NRXN3: variants seen among roughly 807,000 people sequenced by gnomAD.
NRXN3 encodes neurexin 3.
A neutral mutation model predicts 137.6 loss-of-function variants in NRXN3; 32 were observed. That is an observed-to-expected ratio of 0.23 (90% CI 0.18 to 0.31). The LOEUF is 0.31. Ranked by LOEUF, NRXN3 falls within the 10% of genes least tolerant of loss-of-function variation. NRXN3 has a pLI of 1.00. For missense variants in NRXN3, 1,574 were observed against 2,062.5 expected, an observed-to-expected ratio of 0.76 and a Z score of 4.59; for synonymous variants, 798 against 784.5, an observed-to-expected ratio of 1.02 and a Z score of -0.29.
At chr14:78,978,433 C>T (rs2099477141) in intron 14 of NRXN3, among the ~76,000 whole-genome samples, 1 of 152,068 alleles carries the variant, frequency 6.6e-6, no homozygotes, top group Admixed American at 6.6e-5. Context: ...TCATTGCTTT[C>T]TTATTTTAAA....
chr14:78,615,772 C>A (rs1601408190), intron 4 of NRXN3, among the ~76,000 whole-genome samples: 1 of 151,822 alleles, frequency 6.6e-6, no homozygotes, highest in East Asian at 1.9e-4. Context: ...CAGTCTCTAC[C>A]CCCAAAAAAA....
chr14:78,361,063 G>T (rs1314940063), intron 4 of NRXN3, among the ~76,000 whole-genome samples: 1 of 152,190 alleles, frequency 6.6e-6, no homozygotes, highest in African/African-American at 2.4e-5. Context: ...GCCTGGTAGT[G>T]TTGGGTTAAT....
intron 10 of NRXN3, among the ~76,000 whole-genome samples, chr14:78,937,103 T>A (rs2099342860): frequency 6.9e-6 from 1 of 144,642 alleles, no homozygotes; most frequent in Admixed American, 7.2e-5. Context: ...GCACCCGTAA[T>A]CCCAGCTACT....
intron 15 of NRXN3, among the ~76,000 whole-genome samples, chr14:79,151,879 TA>T (rs924362859): frequency 2.0e-5 from 3 of 152,116 alleles, no homozygotes; most frequent in Non-Finnish European, 4.4e-5. Flanking sequence ...CAATATACTT[TA>T]TTTTCTTTTA....
At chr14:79,227,340 A>T (rs2071122251) in intron 15 of NRXN3, among the ~76,000 whole-genome samples, 1 of 151,438 alleles carries the variant, frequency 6.6e-6, no homozygotes, top group East Asian at 2.0e-4. Context: ...ATACTTCCCT[A>T]CATGGATTGT....
At chr14:78,568,816 A>C (rs2096860546) in intron 4 of NRXN3, among the ~76,000 whole-genome samples, 1 of 152,172 alleles carries the variant, frequency 6.6e-6, no homozygotes, top group South Asian at 2.1e-4. Context: ...ACATCTGGAG[A>C]CACTGCTATA....
At chr14:78,997,464 A>G (rs1176401161) in intron 15 of NRXN3, among the ~76,000 whole-genome samples, 1 of 152,234 alleles carries the variant, frequency 6.6e-6, no homozygotes, top group Non-Finnish European at 1.5e-5. Flanking sequence ...TTACCATGTT[A>G]GTCACATACA....
intron 2 of NRXN3, among the ~76,000 whole-genome samples, chr14:78,257,244 A>G (rs1425975202): frequency 6.6e-6 from 1 of 152,228 alleles, no homozygotes; most frequent in Non-Finnish European, 1.5e-5. Flanking sequence ...GCAATCCTTG[A>G]AGTATAATCA....
chr14:78,358,782 C>A (rs1164859530), intron 4 of NRXN3, among the ~76,000 whole-genome samples: 1 of 152,084 alleles, frequency 6.6e-6, no homozygotes, highest in Admixed American at 6.5e-5. Flanking sequence ...GCATTCTGTT[C>A]AAAGATCACT....
chr14:79,634,835 G>A (rs2098390978), intron 16 of NRXN3, among the ~76,000 whole-genome samples: 1 of 152,070 alleles, frequency 6.6e-6, no homozygotes. Flanking sequence ...GTCTAGCCTC[G>A]CCAGACTCTG....
intron 20 of NRXN3, among the ~76,000 whole-genome samples, chr14:79,813,446 A>T (rs923970660): frequency 2.6e-5 from 4 of 152,078 alleles, no homozygotes; most frequent in African/African-American, 4.8e-5. Flanking sequence ...TTTTGTTTTC[A>T]TATTTACTAT....
At chr14:79,501,514 T>C (rs56111431) in intron 16 of NRXN3, among the ~76,000 whole-genome samples, 61,624 of 151,926 alleles carry the variant, frequency 0.41, 12,557 homozygotes, top group South Asian at 0.47. Flanking sequence ...ACCAACAGAT[T>C]TCTAAAATAT....
At chr14:78,777,766 T>A (rs9972183) in intron 8 of NRXN3, among the ~76,000 whole-genome samples, 57,128 of 151,590 alleles carry the variant, frequency 0.38, 15,944 homozygotes, top group African/African-American at 0.79. Flanking sequence ...GATTTTTTTT[T>A]AAAAATTTAT....
chr14:79,672,123 G>A (rs903984260), intron 17 of NRXN3, among the ~76,000 whole-genome samples: 1 of 151,984 alleles, frequency 6.6e-6, no homozygotes, highest in African/African-American at 2.4e-5. Context: ...CAGGGCTGTT[G>A]AGCAAAAGAA....
chr14:79,432,578 C>T (rs542292544), intron 15 of NRXN3, among the ~76,000 whole-genome samples: 2 of 152,174 alleles, frequency 1.3e-5, no homozygotes, highest in Non-Finnish European at 2.9e-5. Context: ...TTTCACTTCT[C>T]CCTTCCCCAT....
intron 15 of NRXN3, among the ~76,000 whole-genome samples, chr14:79,103,927 A>G (rs1360212607): frequency 2.0e-5 from 3 of 152,170 alleles, no homozygotes; most frequent in Non-Finnish European, 4.4e-5. Context: ...ACATACATGC[A>G]CATCTGCACA....
chr14:79,158,904 T>C (rs2060499991), intron 15 of NRXN3, among the ~76,000 whole-genome samples: 1 of 151,844 alleles, frequency 6.6e-6, no homozygotes, highest in Non-Finnish European at 1.5e-5. Context: ...AAATCAGGGC[T>C]GCAAGATGGT....
At chr14:79,750,396 C>T (rs1385055508) in intron 19 of NRXN3, among the ~76,000 whole-genome samples, 4 of 152,038 alleles carry the variant, frequency 2.6e-5, no homozygotes, top group African/African-American at 9.7e-5. Flanking sequence ...GCATTCTTAC[C>T]AATGTAGACT....
chr14:79,578,227 G>A (rs775019346), intron 16 of NRXN3, among the ~76,000 whole-genome samples: 11 of 152,196 alleles, frequency 7.2e-5, no homozygotes, highest in Admixed American at 2.6e-4. Context: ...GACACATGGG[G>A]CAAAGTGAGA....
Sources: gnomAD v4.1 joint callset for allele counts (sites outside exome capture counted in the v4.1 genomes callset) on GRCh38, gnomAD v4.1.1 for gene constraint, MANE v1.5 for transcripts, NCBI Gene and HGNC (gene_info 2026-07-23, HGNC 2026-07-21) for gene names.